RPE: variants seen among roughly 807,000 people sequenced by gnomAD.
The protein encoded by RPE is ribulose-phosphate 3-epimerase.
Under a neutral mutation model 24.6 loss-of-function variants are expected in RPE, and 16 were observed. The ratio of observed to expected loss-of-function variants is 0.65; its 90% CI spans 0.44 to 0.99. The LOEUF is 0.99. Ranked by LOEUF, RPE falls within the 50% of genes least tolerant of loss-of-function variation. RPE has a pLI of 0.00. For missense variants in RPE, 240 were observed against 294.5 expected (o/e 0.81, Z 1.35); for synonymous variants, 93 against 98.4 (o/e 0.94, Z 0.33).
Position 210,021,767 on chromosome 2 carries a change from T to C in RPE, c.*1976T>C, listed in dbSNP as rs562574607. 4.6e-5 allele frequency: 7 copies of C among 152,112 alleles called. No homozygotes were observed. Among genetic ancestry groups the C allele is most frequent in the African/African-American group, 1.4e-4 (6 of 41,502 alleles). The allele number at this position is 152,112 out of a possible 1,614,324, so 9.4% of individuals were successfully genotyped here. A position where few individuals can be genotyped will look rare whatever the true frequency, so the allele number is the denominator to read the frequency against. ...GAGTTATATAAATTGTCCTCAACTT[T>C]CACATAGGAAAAAAATGGTTTAATA... On this transcript the variant is annotated 3_prime_UTR_variant, in exon 6 of 6. Coordinates refer to ENST00000359429, the MANE Select transcript of RPE (RefSeq NM_199229.3).
rs1317753119 is a variant in RPE, at chr2:210,022,066, T to A, written c.*2275T>A. ...TACTGTTTGTGGCTCATTTTAAAAC[T>A]GGTGTCTTCTCTTCATGAGACACAT... On this transcript the variant is annotated 3_prime_UTR_variant, in exon 6 of 6. Transcript: ENST00000359429. 2 of 151,520 alleles carry A rather than the reference T, an allele frequency of 1.3e-5. No individual in the cohort carries two copies. The highest frequency in any genetic ancestry group is 4.8e-5 in the African/African-American group (2 of 41,254). The allele number at this position is 151,520 out of a possible 1,614,324, so 9.4% of individuals were successfully genotyped here. A position where few individuals can be genotyped will look rare whatever the true frequency, so the allele number is the denominator to read the frequency against.
At chr2:210,017,183 T>G (rs1165597235) in intron 4 of RPE, among the ~76,000 whole-genome samples, 2 of 152,208 alleles carry the variant, frequency 1.3e-5, no homozygotes, top group African/African-American at 4.8e-5. Flanking sequence ...TCTCTAACTT[T>G]TAGATCTCTT....
intron 2 of RPE, among the ~76,000 whole-genome samples, chr2:210,014,214 G>A (rs1474452472): frequency 1.3e-5 from 2 of 151,900 alleles, no homozygotes; most frequent in African/African-American, 2.4e-5. Context: ...TCAGCCTCTC[G>A]AGTAGCTGGG....
chr2:210,005,476 A>C (rs539412066), intron 1 of RPE, among the ~76,000 whole-genome samples: 1 of 152,176 alleles, frequency 6.6e-6, no homozygotes, highest in East Asian at 1.9e-4. Flanking sequence ...GGGGAAAAAA[A>C]CCCTAGAAAA....
chr2:210,017,012 T>G (rs943142399), intron 4 of RPE, among the ~76,000 whole-genome samples: 12 of 152,038 alleles, frequency 7.9e-5, no homozygotes, highest in Non-Finnish European at 1.6e-4. Context: ...CCCGGCTAAT[T>G]CTTACACATT....
At chr2:210,009,075 G>C (rs2093667846) in intron 1 of RPE, among the ~76,000 whole-genome samples, 1 of 152,178 alleles carries the variant, frequency 6.6e-6, no homozygotes, top group Admixed American at 6.5e-5. Context: ...GCTCTTCAAA[G>C]GGGATAATAA....
Position 210,017,469 on chromosome 2 carries a change from C to G in RPE, c.478-4C>G. ...GTTACTTATTTCCTCATGTATATAT[C>G]TAGGTTCACTGGTTGAGGACCCAGT... On this transcript the variant is annotated splice_polypyrimidine_tract_variant and splice_region_variant and intron_variant, in intron 4 of 5. Coordinates refer to ENST00000359429, the MANE Select transcript of RPE (RefSeq NM_199229.3). 8.8e-7 allele frequency: 1 copy of G among 1,141,754 alleles called. No homozygotes were observed. Among genetic ancestry groups the G allele is most frequent in the Non-Finnish European group, 1.2e-6 (1 of 837,366 alleles). The allele number at this position is 1,141,754 out of a possible 1,614,324, so 70.7% of individuals were successfully genotyped here. A position where few individuals can be genotyped will look rare whatever the true frequency, so the allele number is the denominator to read the frequency against.
chr2:210,007,714 T>A (rs1184341718), intron 1 of RPE, among the ~76,000 whole-genome samples: 1 of 152,248 alleles, frequency 6.6e-6, no homozygotes, highest in Non-Finnish European at 1.5e-5. Context: ...CTCTAATACT[T>A]GCTCTTATTT....
At chr2:210,013,423 C>CA (rs933457948) in intron 2 of RPE, among the ~76,000 whole-genome samples, 3 of 151,694 alleles carry the variant, frequency 2.0e-5, no homozygotes, top group African/African-American at 7.3e-5. Flanking sequence ...GCAGTCCTCC[C>CA]ACCTCACCTC....
intron 1 of RPE, among the ~76,000 whole-genome samples, chr2:210,004,003 GT>G (rs980450711): frequency 2.6e-5 from 4 of 152,136 alleles, no homozygotes; most frequent in African/African-American, 2.4e-5. Context: ...TCTCACAAAG[GT>G]TGGCTTTTAA....
intron 2 of RPE, among the ~76,000 whole-genome samples, chr2:210,012,191 A>ATCAG (rs1242703850): frequency 6.6e-6 from 1 of 152,220 alleles, no homozygotes; most frequent in East Asian, 1.9e-4. Flanking sequence ...TATTGTCTAA[A>ATCAG]TCAGTGATCC....
chr2:210,008,286 GTTTTTGTTTTT>G (rs1285524678), intron 1 of RPE, among the ~76,000 whole-genome samples: 7 of 129,708 alleles, frequency 5.4e-5, no homozygotes, highest in African/African-American at 2.2e-4. Flanking sequence ...TTTTTTGTTT[GTTTTTGTTTTT>G]TTTTTTTTTT....
intron 5 of RPE, chr2:210,018,412 A>T: frequency 1.0e-6 from 1 of 980,908 alleles, no homozygotes; most frequent in Non-Finnish European, 1.2e-6. Flanking sequence ...TTTTTTTTTC[A>T]GATAGCTAGT....
At chr2:210,018,926 C>CT (rs1264743253) in intron 5 of RPE, among the ~76,000 whole-genome samples, 15 of 152,242 alleles carry the variant, frequency 9.9e-5, no homozygotes, top group East Asian at 3.9e-4. Context: ...TGAAGTGACA[C>CT]TATCTGTCTG....
intron 2 of RPE, among the ~76,000 whole-genome samples, chr2:210,012,152 A>G (rs1489491806): frequency 1.3e-5 from 2 of 152,216 alleles, no homozygotes; most frequent in Non-Finnish European, 2.9e-5. Flanking sequence ...TGTCTAAGAA[A>G]TACAGTGATG....
chr2:210,018,112 G>A, intron 5 of RPE: 1 of 1,500,524 alleles, frequency 6.7e-7, no homozygotes, highest in Non-Finnish European at 8.9e-7. Flanking sequence ...CAGGAAGGCT[G>A]AAGAAAGTTC....
chr2:210,016,340 C>A, intron 3 of RPE, 167 bp from the exon 4 acceptor site: 2 of 1,570,148 alleles, frequency 1.3e-6, no homozygotes, highest in Non-Finnish European at 1.7e-6. Flanking sequence ...TTTATGTATT[C>A]CACTAAAGTT....
intron 5 of RPE, chr2:210,018,022 G>T: frequency 1.1e-6 from 1 of 950,224 alleles, no homozygotes; most frequent in Non-Finnish European, 1.5e-6. Context: ...TGGGATTACA[G>T]ATGTGAGCCA....
At chr2:210,009,583 T>A in intron 1 of RPE, 74 bp from the exon 2 acceptor site, 2 of 1,578,624 alleles carry the variant, frequency 1.3e-6, no homozygotes, top group South Asian at 2.2e-5. Context: ...TCAACCTGTG[T>A]CAGAATTCAT....
Sources: allele counts gnomAD v4.1 joint callset (sites outside exome capture counted in the v4.1 genomes callset), GRCh38; gene constraint gnomAD v4.1.1; transcripts MANE v1.5; gene names NCBI Gene and HGNC (gene_info 2026-07-23, HGNC 2026-07-21).